MYLK: variants seen among roughly 807,000 people sequenced by gnomAD.
MYLK encodes the protein myosin light chain kinase, smooth muscle.
MYLK carries 106 observed loss-of-function variants against 203.4 expected under a neutral mutation model. The observed-to-expected ratio is 0.52, with a 90% CI of 0.45 to 0.61. The LOEUF is 0.61. Among genes scored for constraint, MYLK ranks in the 20% least tolerant of loss-of-function variants. The probability of loss-of-function intolerance (pLI) is 0.00; values close to 1 mark genes in which losing one functional copy is unlikely to be tolerated. For missense variants in MYLK, 2,072 were observed against 2,442.3 expected (o/e 0.85, Z 3.20); for synonymous variants, 867 against 959.5 (o/e 0.90, Z 1.78).
In MYLK at chr3:123,806,027, C is replaced by T. The variant is rs151195323; in HGVS notation, c.-3-12183G>A. Among the ~76,000 whole-genome samples, 153 of 152,316 alleles carry T rather than the reference C, an allele frequency of 1.0e-3. No individual in the cohort carries two copies. In the East Asian group the frequency reaches 0.02, roughly 20 times the overall value. ...AATGTTTTAGTTCATTTAAATATTGCTACAAACATTGCCCTATATATCACA... is the reference window on the plus strand; with the variant it reads ...AATGTTTTAGTTCATTTAAATATTGTTACAAACATTGCCCTATATATCACA... On this transcript the variant is annotated intron_variant, in intron 3 of 33. Coordinates refer to ENST00000360304, the MANE Select transcript of MYLK (RefSeq NM_053025.4).
chr3:123,827,749 A>AG (rs1560269124), intron 3 of MYLK, among the ~76,000 whole-genome samples: 3 of 103,578 alleles, frequency 2.9e-5, no homozygotes, highest in African/African-American at 1.1e-4. Context: ...ATATATATAT[A>AG]AAGACTCTAC....
At chr3:123,614,672 A>G (rs1344664017) in intron 33 of MYLK, among the ~76,000 whole-genome samples, 1 of 152,194 alleles carries the variant, frequency 6.6e-6, no homozygotes, top group African/African-American at 2.4e-5. Context: ...TCTGTTGCCT[A>G]GGCTGGAGTG....
intron 3 of MYLK, among the ~76,000 whole-genome samples, chr3:123,801,902 T>C (rs1193468052): frequency 6.6e-6 from 1 of 152,208 alleles, no homozygotes; most frequent in Non-Finnish European, 1.5e-5. Flanking sequence ...GATGTATGTG[T>C]CCTTATGATA....
chr3:123,726,201 G>T, intron 11 of MYLK, 123 bp from the exon 12 acceptor site: 1 of 1,286,392 alleles, frequency 7.8e-7, no homozygotes, highest in South Asian at 1.3e-5. Flanking sequence ...TCGGCAGCCT[G>T]CCTTTGGCTT....
In MYLK at chr3:123,640,535, C is replaced by A. The variant is rs1248281956; in HGVS notation, c.4620-31G>T. The A allele has an allele frequency of 3.7e-6, 6 of 1,611,698 alleles. No individual in the cohort carries two copies. The highest frequency in any genetic ancestry group is 1.9e-4 in the Middle Eastern group (1 of 5,216). ...GGAACACGTGCACGGGGTGGTCAGG[C>A]CACAGGCTCATGGAGGCCAGGCTGG... is the stretch of plus-strand genomic sequence containing the variant. On this transcript the variant is annotated intron_variant, in intron 27 of 33. Transcript: ENST00000360304. This position sits in a 1 kb window ranked among gnomAD's most constrained non-coding sequence, Gnocchi z 4.3.
Position 123,629,796 on chromosome 3 carries a change from G to T in MYLK, c.4962-170C>A. Reference sequence around the variant, plus strand: ...CACTTGTGGAAAGAAAAGAGGGTGTGGTTCACAGCCCTGTCTTTTCTTGGT... The same window carrying T: ...CACTTGTGGAAAGAAAAGAGGGTGTTGTTCACAGCCCTGTCTTTTCTTGGT... On this transcript the variant is annotated intron_variant, in intron 29 of 33. Transcript: ENST00000360304. This position sits in a 1 kb window ranked among gnomAD's most constrained non-coding sequence, Gnocchi z 4.4. 1.5e-6 allele frequency: 1 copy of T among 668,984 alleles called. No homozygotes were observed. Among genetic ancestry groups the T allele is most frequent in the Non-Finnish European group, 2.6e-6 (1 of 389,804 alleles). 41.4% of individuals were successfully genotyped at this position (668,984 alleles called of 1,614,324 possible). A position where few individuals can be genotyped will look rare whatever the true frequency, so the allele number is the denominator to read the frequency against.
chr3:123,776,283 A>AG (rs1199922759), intron 4 of MYLK, among the ~76,000 whole-genome samples: 6 of 152,214 alleles, frequency 3.9e-5, no homozygotes, highest in Non-Finnish European at 8.8e-5. Context: ...CTCACAGATC[A>AG]GGGAGCAGGT....
Position 123,762,934 on chromosome 3 carries a change from A to G in MYLK, c.166-10396T>C, listed in dbSNP as rs1336447570. ...GTCTGTGGTATTTTGTTATAGCAGC[A>G]CAAACTTTAAATGGACTAAGACAAT... On this transcript the variant is annotated intron_variant, in intron 4 of 33. Coordinates refer to ENST00000360304, the MANE Select transcript of MYLK (RefSeq NM_053025.4). Among the ~76,000 whole-genome samples, 4 of 152,220 alleles carry G rather than the reference A, an allele frequency of 2.6e-5. No homozygotes were observed. The South Asian group carries it at 6.2e-4, about 24-fold the overall frequency.
chr3:123,713,281 C>G (rs1399451394), intron 13 of MYLK, among the ~76,000 whole-genome samples: 1 of 152,098 alleles, frequency 6.6e-6, no homozygotes, highest in Non-Finnish European at 1.5e-5. Context: ...GGACCCAGTC[C>G]CAACTCACCA....
At position 123,740,600 on chromosome 3, in the gene MYLK, C is replaced by T. The variant is rs149865886; in HGVS notation, c.374-599G>A. On this transcript the variant is annotated intron_variant, in intron 5 of 33. Coordinates refer to ENST00000360304, the MANE Select transcript of MYLK (RefSeq NM_053025.4). ...GCGGAGCCAGCAGCTCCTGCAGAAT[C>T]TGCAGTGCTGCCACACTGAACACTG... Among the ~76,000 whole-genome samples the T allele has an allele frequency of 3.3e-3, 507 of 152,356 alleles. 9 individuals carry two copies. The highest frequency in any genetic ancestry group is 0.012 in the African/African-American group (490 of 41,580).
At chr3:123,714,788 C>G (rs1205416266) in intron 13 of MYLK, among the ~76,000 whole-genome samples, 1 of 152,138 alleles carries the variant, frequency 6.6e-6, no homozygotes, top group African/African-American at 2.4e-5. Flanking sequence ...CCAATTCACT[C>G]CTGGACTCAG....
chr3:123,681,102 T>C (rs952637584), intron 20 of MYLK: 1 of 152,230 alleles, frequency 6.6e-6, no homozygotes. Flanking sequence ...TAAAGATGAA[T>C]ATATTCATGT....
chr3:123,847,364 A>T (rs182884027), intron 2 of MYLK, among the ~76,000 whole-genome samples: 6 of 152,266 alleles, frequency 3.9e-5, no homozygotes, highest in Admixed American at 6.5e-5. Context: ...ATTGGTATGC[A>T]AGTAAGAACA....
At chr3:123,841,613 C>T (rs1340501338) in intron 2 of MYLK, among the ~76,000 whole-genome samples, 1 of 152,114 alleles carries the variant, frequency 6.6e-6, no homozygotes, top group Non-Finnish European at 1.5e-5. Context: ...ATGAGACCTA[C>T]TCCCTTTTCT....
In MYLK at chr3:123,614,023, C is replaced by G. The variant is rs1444086514; in HGVS notation, c.*82G>C. Reference sequence around the variant, plus strand: ...CTATCACACTAGGTGCTTTTACTATCTTGAGTTTTTTTTTTTTTTTTGAGT... The same window carrying G: ...CTATCACACTAGGTGCTTTTACTATGTTGAGTTTTTTTTTTTTTTTTGAGT... On this transcript the variant is annotated 3_prime_UTR_variant, in exon 34 of 34. Coordinates refer to ENST00000360304, the MANE Select transcript of MYLK (RefSeq NM_053025.4). The G allele has an allele frequency of 3.5e-6, 5 of 1,411,584 alleles. No individual in the cohort carries two copies. The highest frequency in any genetic ancestry group is 4.9e-6 in the Non-Finnish European group (5 of 1,022,252). 87.4% of individuals were successfully genotyped at this position (1,411,584 alleles called of 1,614,324 possible). A position where few individuals can be genotyped will look rare whatever the true frequency, so the allele number is the denominator to read the frequency against.
At chr3:123,830,994 C>T (rs1243900316) in intron 3 of MYLK, among the ~76,000 whole-genome samples, 6 of 152,160 alleles carry the variant, frequency 3.9e-5, no homozygotes, top group Non-Finnish European at 7.4e-5. Flanking sequence ...AAACAGAGTG[C>T]AGGTGACCAG....
At chr3:123,815,509 G>A (rs1289332694) in intron 3 of MYLK, among the ~76,000 whole-genome samples, 3 of 152,176 alleles carry the variant, frequency 2.0e-5, no homozygotes, top group Non-Finnish European at 4.4e-5. Flanking sequence ...GTATAATCCT[G>A]CCAGTGGGGG....
At chr3:123,655,856 C>T (rs764433924) in intron 24 of MYLK, among the ~76,000 whole-genome samples, 4 of 152,296 alleles carry the variant, frequency 2.6e-5, no homozygotes, top group African/African-American at 4.8e-5. Context: ...ATTAACACAT[C>T]GTAAGCTTAG....
rs538231441 is a variant in MYLK at position 123,793,971 on chromosome 3, G to A, written c.-3-127C>T. On this transcript the variant is annotated intron_variant, in intron 3 of 33. Coordinates refer to ENST00000360304, the MANE Select transcript of MYLK (RefSeq NM_053025.4). ...GTGGAGCAGATCCCCAGTTAGGTCA[G>A]TGTCCACCCACAGCTCCTCTGTGAA... The A allele has an allele frequency of 4.4e-5, 43 of 986,974 alleles. No individual in the cohort carries two copies. The African/African-American group carries it at 6.5e-4, about 15-fold the overall frequency. 61.1% of individuals were successfully genotyped at this position (986,974 alleles called of 1,614,324 possible). A position where few individuals can be genotyped will look rare whatever the true frequency, so the allele number is the denominator to read the frequency against.
Sources: allele counts gnomAD v4.1 joint callset (sites outside exome capture counted in the v4.1 genomes callset), GRCh38; gene constraint gnomAD v4.1.1; non-coding constraint Gnocchi (gnomAD v3.1); transcripts MANE v1.5; gene names NCBI Gene and HGNC (gene_info 2026-07-23, HGNC 2026-07-21).